GABRA2: variants seen among roughly 807,000 people sequenced by gnomAD.
The protein encoded by GABRA2 is gamma-aminobutyric acid type A receptor subunit alpha2.
GABRA2 carries 16 observed loss-of-function variants against 48.7 expected under a neutral mutation model. The observed-to-expected ratio is 0.33, with a 90% CI of 0.22 to 0.50. GABRA2 has a LOEUF of 0.50. Among genes scored for constraint, GABRA2 ranks in the 20% least tolerant of loss-of-function variants. GABRA2 has a pLI of 0.98. For synonymous variants in GABRA2, 185 were observed against 184.5 expected, an observed-to-expected ratio of 1.00 and a Z score of -0.02; for missense variants, 275 against 535.6, an observed-to-expected ratio of 0.51 and a Z score of 4.80.
rs1713848762 is a variant in GABRA2, at chr4:46,247,113, T to A, written c.*3195A>T. ...AATTTAGAAACATGGCTCAAGGGGATCACTTATCCAAACCTGAGATAAATT... is the reference window on the plus strand; with the variant it reads ...AATTTAGAAACATGGCTCAAGGGGAACACTTATCCAAACCTGAGATAAATT... On this transcript the variant is annotated 3_prime_UTR_variant, in exon 10 of 10. Transcript: ENST00000381620. 6.6e-6 allele frequency among the ~76,000 whole-genome samples: 1 copy of A among 151,224 alleles called. No homozygotes were observed. The highest frequency in any genetic ancestry group is 2.4e-5 in the African/African-American group (1 of 41,330).
intron 8 of GABRA2, among the ~76,000 whole-genome samples, chr4:46,280,096 T>C (rs1295370496): frequency 6.6e-6 from 1 of 151,848 alleles, no homozygotes; most frequent in Non-Finnish European, 1.5e-5. Context: ...ATTTAAAGTA[T>C]AGTGGGAAAA....
intron 5 of GABRA2, among the ~76,000 whole-genome samples, 177 bp from the exon 6 acceptor site, chr4:46,310,432 G>A (rs149044609): frequency 9.1e-4 from 138 of 152,210 alleles, no homozygotes; most frequent in South Asian, 6.0e-3. Context: ...AGACATTGGC[G>A]TATACAAATT....
At chr4:46,345,984 C>T (rs1734079163) in intron 3 of GABRA2, among the ~76,000 whole-genome samples, 1 of 151,874 alleles carries the variant, frequency 6.6e-6, no homozygotes, top group Non-Finnish European at 1.5e-5. Flanking sequence ...GATCACGATG[C>T]TAATAATTTT....
chr4:46,316,817 T>C (rs1190138467), intron 4 of GABRA2, among the ~76,000 whole-genome samples: 3 of 152,002 alleles, frequency 2.0e-5, no homozygotes, highest in Admixed American at 1.3e-4. Flanking sequence ...TTTTGGGTTG[T>C]CTGTCATTTT....
intron 5 of GABRA2, among the ~76,000 whole-genome samples, chr4:46,311,914 C>T (rs578188945): frequency 4.6e-5 from 7 of 152,238 alleles, no homozygotes; most frequent in African/African-American, 1.7e-4. Flanking sequence ...GCCTGGCCAA[C>T]ATGGCGAAAC....
At chr4:46,285,301 T>A (rs1477796306) in intron 8 of GABRA2, among the ~76,000 whole-genome samples, 8 of 152,132 alleles carry the variant, frequency 5.3e-5, no homozygotes, top group Admixed American at 3.9e-4. Context: ...TGTAAAGAAC[T>A]CATACAAAAT....
intron 9 of GABRA2, chr4:46,256,409 G>A (rs570649309): frequency 4.7e-5 from 23 of 485,586 alleles, no homozygotes; most frequent in South Asian, 4.3e-4. Flanking sequence ...CCATTATTGC[G>A]TTTATTGGGA....
chr4:46,377,055 G>A (rs1171491756), intron 3 of GABRA2, among the ~76,000 whole-genome samples: 2 of 152,232 alleles, frequency 1.3e-5, no homozygotes, highest in East Asian at 3.9e-4. Context: ...TGCCCAGGCT[G>A]GAGTGCAGTG....
In GABRA2 at chr4:46,250,060, C is replaced by T; in HGVS notation, c.*248G>A. ...AATTAATCAGGTCACTTGAAATTCACTTTAAATCAGGTCCTAGGGTAAATC... is the reference window on the plus strand; with the variant it reads ...AATTAATCAGGTCACTTGAAATTCATTTTAAATCAGGTCCTAGGGTAAATC... On this transcript the variant is annotated 3_prime_UTR_variant, in exon 10 of 10. Transcript: ENST00000381620. 5.1e-6 allele frequency: 2 copies of T among 390,828 alleles called. No homozygotes were observed. Among genetic ancestry groups the T allele is most frequent in the Non-Finnish European group, 9.2e-6 (2 of 217,312 alleles). The allele number at this position is 390,828 out of a possible 1,614,324, so 24.2% of individuals were successfully genotyped here.
At chr4:46,315,791 C>T (rs1458408983) in intron 4 of GABRA2, among the ~76,000 whole-genome samples, 3 of 151,852 alleles carry the variant, frequency 2.0e-5, no homozygotes. Context: ...GTAACCATCA[C>T]CTAGCAGAAA....
chr4:46,322,896 T>C (rs1411059775), intron 4 of GABRA2, among the ~76,000 whole-genome samples: 1 of 151,988 alleles, frequency 6.6e-6, no homozygotes, highest in East Asian at 1.9e-4. Context: ...TTCGCAGGTG[T>C]CAAGTGACTT....
intron 3 of GABRA2, among the ~76,000 whole-genome samples, chr4:46,356,353 A>T (rs534250339): frequency 5.2e-4 from 79 of 151,918 alleles, no homozygotes; most frequent in African/African-American, 1.8e-3. Context: ...CCCATTCAAG[A>T]ATCTGTTTGC....
At chr4:46,290,196 G>A (rs187956860) in intron 8 of GABRA2, among the ~76,000 whole-genome samples, 137 of 151,564 alleles carry the variant, frequency 9.0e-4, no homozygotes, top group African/African-American at 3.2e-3. Context: ...CAGCCACCGC[G>A]CCCGGCCTGA....
chr4:46,371,092 T>C (rs1286833113), intron 3 of GABRA2, among the ~76,000 whole-genome samples: 2 of 152,158 alleles, frequency 1.3e-5, no homozygotes, highest in African/African-American at 2.4e-5. Context: ...TTTTATACTC[T>C]AGTATACAGC....
At position 46,376,756 on chromosome 4, in the gene GABRA2, C is replaced by CTCTCCCTCTCCCCACGG. The variant is rs1578216745; in HGVS notation, c.187+9317_187+9318insCCGTGGGGAGAGGGAGA. Among the ~76,000 whole-genome samples, 4 of 151,168 alleles carry CTCTCCCTCTCCCCACGG rather than the reference C, an allele frequency of 2.6e-5. No homozygotes were observed. In the East Asian group the frequency reaches 5.9e-4, roughly 22 times the overall value. ...TGTCTCCCTCTCCCTCTCCCTCTCCCTCTCCCTCTCCCTCTCCCCACGGTC... is the reference window on the plus strand; with the variant it reads ...TGTCTCCCTCTCCCTCTCCCTCTCCCTCTCCCTCTCCCCACGGTCTCCCTCTCCCTCTCCCCACGGTC... On this transcript the variant is annotated intron_variant, in intron 3 of 9. Coordinates refer to ENST00000381620, the MANE Select transcript of GABRA2 (RefSeq NM_000807.4).
At chr4:46,274,724 A>G (rs1376380520) in intron 8 of GABRA2, among the ~76,000 whole-genome samples, 2 of 152,116 alleles carry the variant, frequency 1.3e-5, no homozygotes, top group Non-Finnish European at 2.9e-5. Flanking sequence ...TCTGAGCCTC[A>G]GTGGCTTTAT....
At chr4:46,363,648 T>C (rs1713576537) in intron 3 of GABRA2, 1 of 152,190 alleles carries the variant, frequency 6.6e-6, no homozygotes, top group South Asian at 2.1e-4. Flanking sequence ...CTCTTAGCTA[T>C]GTTAACATTT....
chr4:46,280,985 C>G (rs1221603091), intron 8 of GABRA2, among the ~76,000 whole-genome samples: 1 of 152,158 alleles, frequency 6.6e-6, no homozygotes, highest in Admixed American at 6.5e-5. Flanking sequence ...CCCTGATCAT[C>G]GACTTCCAGT....
Position 46,386,059 on chromosome 4 carries a change from G to GAAAACT in GABRA2, c.187+9_187+14dup. The stretch of plus-strand genomic sequence containing the variant: ...TTATTTTACGAGAGTTTTAAAAGAG[G>GAAAACT]AAAACTATTTTTACCTCCCAGTCCT... On this transcript the variant is annotated intron_variant, in intron 3 of 9. Transcript: ENST00000381620. 6.6e-7 allele frequency: 1 copy of GAAAACT among 1,511,728 alleles called. No individual in the cohort carries two copies. The highest frequency in any genetic ancestry group is 9.2e-7 in the Non-Finnish European group (1 of 1,090,986). 93.6% of individuals were successfully genotyped at this position (1,511,728 alleles called of 1,614,324 possible).
Sources: allele counts gnomAD v4.1 joint callset (sites outside exome capture counted in the v4.1 genomes callset), GRCh38; gene constraint gnomAD v4.1.1; transcripts MANE v1.5; gene names NCBI Gene and HGNC (gene_info 2026-07-23, HGNC 2026-07-21).